The following PPP2R2B variants were observed in gnomAD, a reference collection of about 807,000 sequenced individuals.
PPP2R2B encodes serine/threonine-protein phosphatase 2A 55 kDa regulatory subunit B beta isoform.
Under a neutral mutation model 46.0 loss-of-function variants are expected in PPP2R2B, and 5 were observed. That is an observed-to-expected ratio of 0.11 (90% CI 0.06 to 0.23). The LOEUF (loss-of-function observed/expected upper bound fraction) is 0.23. Among genes scored for constraint, PPP2R2B ranks in the 10% least tolerant of loss-of-function variants. PPP2R2B has a pLI of 1.00. For missense variants in PPP2R2B, 367 were observed against 575.0 expected, an observed-to-expected ratio of 0.64 and a Z score of 3.70; for synonymous variants, 215 against 206.7, an observed-to-expected ratio of 1.04 and a Z score of -0.34.
intron 1 of PPP2R2B, among the ~76,000 whole-genome samples, chr5:146,905,163 T>A (rs1020930655): frequency 1.3e-5 from 2 of 152,176 alleles, no homozygotes. Flanking sequence ...GGTGAGGACA[T>A]GGAGCAATTG....
intron 2 of PPP2R2B, among the ~76,000 whole-genome samples, chr5:146,829,351 A>C (rs1758778578): frequency 6.6e-6 from 1 of 152,240 alleles, no homozygotes; most frequent in South Asian, 2.1e-4. Context: ...GTTGCCAAAG[A>C]AATGTGGGTT....
chr5:146,595,705 C>G (rs957216268), intron 8 of PPP2R2B, among the ~76,000 whole-genome samples: 1 of 152,106 alleles, frequency 6.6e-6, no homozygotes, highest in African/African-American at 2.4e-5. Flanking sequence ...TTAGGCAAAC[C>G]AGAGGGACCT....
At chr5:146,686,473 A>G (rs1778507485) in intron 5 of PPP2R2B, among the ~76,000 whole-genome samples, 1 of 152,200 alleles carries the variant, frequency 6.6e-6, no homozygotes, top group Non-Finnish European at 1.5e-5. Flanking sequence ...ATAGAACCTA[A>G]CCGAGAGAGA....
chr5:146,881,006 T>A (rs1451995407), upstream of PPP2R2B, among the ~76,000 whole-genome samples: 1 of 150,258 alleles, frequency 6.7e-6, no homozygotes, highest in Non-Finnish European at 1.5e-5. Context: ...CACAACGACC[T>A]GTGGTGGAGG....
intron 1 of PPP2R2B, among the ~76,000 whole-genome samples, chr5:146,976,310 G>A (rs1582531817): frequency 2.0e-5 from 3 of 151,726 alleles, no homozygotes; most frequent in East Asian, 1.9e-4. Flanking sequence ...ACTAATTTTT[G>A]TATTTTTAGT....
At chr5:146,638,815 T>C (rs1774997599) in intron 6 of PPP2R2B, among the ~76,000 whole-genome samples, 1 of 152,240 alleles carries the variant, frequency 6.6e-6, no homozygotes, top group African/African-American at 2.4e-5. Context: ...ATTCATTTTA[T>C]CTGATTCCTT....
At chr5:146,743,868 G>T (rs1446603190) in intron 2 of PPP2R2B, among the ~76,000 whole-genome samples, 1 of 152,126 alleles carries the variant, frequency 6.6e-6, no homozygotes, top group Non-Finnish European at 1.5e-5. Context: ...ATAGTGGGTG[G>T]TTTACAGCCA....
intron 1 of PPP2R2B, among the ~76,000 whole-genome samples, chr5:147,024,475 A>G (rs1755437857): frequency 6.6e-6 from 1 of 152,176 alleles, no homozygotes; most frequent in Non-Finnish European, 1.5e-5. Context: ...AATTTCACTT[A>G]TTTGACATTG....
chr5:146,858,661 T>C (rs114246824), intron 2 of PPP2R2B, among the ~76,000 whole-genome samples: 2 of 152,308 alleles, frequency 1.3e-5, no homozygotes, highest in Non-Finnish European at 2.9e-5. Context: ...TGATGATCAA[T>C]CCATTGTTTT....
At chr5:146,890,168 A>T (rs914396877) in intron 1 of PPP2R2B, among the ~76,000 whole-genome samples, 2 of 152,218 alleles carry the variant, frequency 1.3e-5, no homozygotes, top group Non-Finnish European at 2.9e-5. Flanking sequence ...AAGGGGAGAA[A>T]TTACTACTGT....
At position 146,878,383 on chromosome 5, in the gene PPP2R2B, C is replaced by T. The variant is rs1477944694; in HGVS notation, c.-124-188G>A. 1.1e-5 allele frequency: 16 copies of T among 1,430,860 alleles called. No individual in the cohort carries two copies. The highest frequency in any genetic ancestry group is 1.0e-4 in the South Asian group (7 of 66,690). The allele number at this position is 1,430,860 out of a possible 1,614,324, so 88.6% of individuals were successfully genotyped here. A position where few individuals can be genotyped will look rare whatever the true frequency, so the allele number is the denominator to read the frequency against. ...CTCCGGGTGCCAAGATACGCCGTGCCCCGAGGGGTCTGGTCCCGCCCGCCC... is the reference window on the plus strand; with the variant it reads ...CTCCGGGTGCCAAGATACGCCGTGCTCCGAGGGGTCTGGTCCCGCCCGCCC... On this transcript the variant is annotated intron_variant, in intron 1 of 9. Transcript: ENST00000394411. The surrounding 1 kb of genome is among the most constrained non-coding windows in gnomAD (Gnocchi z 4.5).
At chr5:146,751,729 T>A (rs1472634233) in intron 2 of PPP2R2B, among the ~76,000 whole-genome samples, 1 of 152,168 alleles carries the variant, frequency 6.6e-6, no homozygotes, top group African/African-American at 2.4e-5. Context: ...GAAGAAATAT[T>A]AAACAGAGTT....
chr5:146,883,779 C>G (rs1046313241), intron 1 of PPP2R2B, among the ~76,000 whole-genome samples: 1 of 152,172 alleles, frequency 6.6e-6, no homozygotes, highest in African/African-American at 2.4e-5. Flanking sequence ...GATCCTTTAA[C>G]GTGGCATTTA....
At chr5:146,624,064 G>GA (rs1365979992) in intron 7 of PPP2R2B, among the ~76,000 whole-genome samples, 4 of 151,752 alleles carry the variant, frequency 2.6e-5, no homozygotes, top group South Asian at 2.1e-4. Flanking sequence ...TATGATGTAA[G>GA]AAAAAAAACC....
chr5:146,856,501 T>A, intron 2 of PPP2R2B: 2 of 1,586,942 alleles, frequency 1.3e-6, no homozygotes, highest in Non-Finnish European at 1.7e-6. Context: ...ACGAATACCT[T>A]TATTTCCATA....
chr5:146,757,445 A>G (rs1753902248), intron 2 of PPP2R2B, among the ~76,000 whole-genome samples: 1 of 152,150 alleles, frequency 6.6e-6, no homozygotes, highest in Non-Finnish European at 1.5e-5. Context: ...GAAGAAAGAG[A>G]CACATACCAG....
At chr5:146,708,214 C>G (rs189468383) in intron 2 of PPP2R2B, among the ~76,000 whole-genome samples, 1 of 151,720 alleles carries the variant, frequency 6.6e-6, no homozygotes, top group Non-Finnish European at 1.5e-5. Flanking sequence ...AAAATTAGCT[C>G]GGCATGGTGG....
At position 146,584,638 on chromosome 5, in the gene PPP2R2B, C is replaced by T. The variant is rs1770049447; in HGVS notation, c.*5309G>A. On this transcript the variant is annotated 3_prime_UTR_variant, in exon 10 of 10. Transcript: ENST00000394411. ...TGATTAACAATGATTTAAAACAGTG[C>T]CTCTCCCAATGCCTGTCATTGCAAT... The T allele has an allele frequency of 6.6e-6, 1 of 152,182 alleles. No individual in the cohort carries two copies. Among genetic ancestry groups the T allele is most frequent in the Non-Finnish European group, 1.5e-5 (1 of 68,024 alleles). The allele number at this position is 152,182 out of a possible 1,614,324, so 9.4% of individuals were successfully genotyped here.
intron 7 of PPP2R2B, among the ~76,000 whole-genome samples, chr5:146,629,192 C>T (rs150561118): frequency 8.6e-4 from 131 of 152,330 alleles, no homozygotes; most frequent in South Asian, 1.7e-3. Flanking sequence ...CCAGACTTCT[C>T]TAATTGGATG....
Sources: gnomAD v4.1 joint callset for allele counts (sites outside exome capture counted in the v4.1 genomes callset) on GRCh38, gnomAD v4.1.1 for gene constraint, Gnocchi (gnomAD v3.1) non-coding constraint, MANE v1.5 for transcripts, NCBI Gene and HGNC (gene_info 2026-07-23, HGNC 2026-07-21) for gene names.